PPP3R1: variants seen among roughly 807,000 people sequenced by gnomAD.
PPP3R1 encodes the protein calcineurin subunit B type 1.
A neutral mutation model predicts 22.6 loss-of-function variants in PPP3R1; 5 were observed. That is an observed-to-expected ratio of 0.22 (90% CI 0.12 to 0.46). The LOEUF (loss-of-function observed/expected upper bound fraction) is 0.46, where lower values mean the gene tolerates loss of function less well. Among genes scored for constraint, PPP3R1 ranks in the 20% least tolerant of loss-of-function variants. PPP3R1 has a pLI of 0.99. For synonymous variants in PPP3R1, 56 were observed against 65.2 expected (o/e 0.86, Z 0.68); for missense variants, 61 against 203.2 (o/e 0.30, Z 4.25).
At chr2:68,198,274 T>C (rs746866060) in intron 2 of PPP3R1, among the ~76,000 whole-genome samples, 5 of 146,230 alleles carry the variant, frequency 3.4e-5, no homozygotes, top group Non-Finnish European at 6.0e-5. Context: ...TACATATGTG[T>C]ATGCATGTAT....
At chr2:68,243,312 T>C (rs1295625801) in intron 1 of PPP3R1, among the ~76,000 whole-genome samples, 1 of 152,148 alleles carries the variant, frequency 6.6e-6, no homozygotes, top group Non-Finnish European at 1.5e-5. Flanking sequence ...GCCAGACCTA[T>C]AAATTAGTCA....
intron 2 of PPP3R1, among the ~76,000 whole-genome samples, chr2:68,209,358 CAAAAAAAAAAAAAAAAAAAA>C (rs777851469): frequency 9.6e-5 from 4 of 41,680 alleles, no homozygotes; most frequent in Non-Finnish European, 1.7e-4. Flanking sequence ...GACTCTGTCT[CAAAAAAAAAAAAAAAAAAAA>C]AAAAAAAAAA....
intron 2 of PPP3R1, among the ~76,000 whole-genome samples, chr2:68,216,526 C>T (rs1020053976): frequency 1.3e-5 from 2 of 152,042 alleles, no homozygotes; most frequent in Non-Finnish European, 2.9e-5. Flanking sequence ...TCCATCTCTT[C>T]TTCCAGAAAA....
At chr2:68,220,024 TA>T (rs369003819) in intron 1 of PPP3R1, among the ~76,000 whole-genome samples, 2 of 151,940 alleles carry the variant, frequency 1.3e-5, no homozygotes, top group African/African-American at 2.4e-5. Context: ...TGACCAGTGT[TA>T]AAAAAAACTA....
chr2:68,207,102 G>GAA (rs11414849), intron 2 of PPP3R1, among the ~76,000 whole-genome samples: 28 of 128,832 alleles, frequency 2.2e-4, no homozygotes, highest in South Asian at 4.6e-4. Context: ...GAGGTTTTGG[G>GAA]AAAAAAAAAA....
intron 2 of PPP3R1, among the ~76,000 whole-genome samples, chr2:68,204,971 C>T (rs1675082139): frequency 6.6e-6 from 1 of 152,186 alleles, no homozygotes; most frequent in Non-Finnish European, 1.5e-5. Context: ...GTCTGCATGC[C>T]ATTCTGAATT....
intron 2 of PPP3R1, among the ~76,000 whole-genome samples, chr2:68,203,994 C>T (rs558050475): frequency 3.1e-4 from 47 of 152,208 alleles, no homozygotes; most frequent in African/African-American, 1.1e-3. Context: ...TACAAAACAG[C>T]CCTTGTGTTT....
intron 1 of PPP3R1, among the ~76,000 whole-genome samples, chr2:68,230,507 T>C (rs1479688164): frequency 2.0e-5 from 3 of 152,298 alleles, no homozygotes; most frequent in African/African-American, 7.2e-5. Context: ...TACATACCTT[T>C]AGAACCACAT....
intron 1 of PPP3R1, among the ~76,000 whole-genome samples, chr2:68,245,730 C>CT (rs1049939888): frequency 4.6e-5 from 7 of 152,166 alleles, no homozygotes; most frequent in Admixed American, 1.3e-4. Context: ...AGTTTCCACC[C>CT]TTTCCAAGTC....
chr2:68,202,124 T>C (rs1423577048), intron 2 of PPP3R1, among the ~76,000 whole-genome samples: 1 of 152,228 alleles, frequency 6.6e-6, no homozygotes, highest in Non-Finnish European at 1.5e-5. Context: ...GTTCTCCAAA[T>C]CATTCTTTCC....
chr2:68,208,977 C>T (rs1053141585), intron 2 of PPP3R1, among the ~76,000 whole-genome samples: 2 of 149,422 alleles, frequency 1.3e-5, no homozygotes, highest in African/African-American at 2.5e-5. Context: ...TGGGAGGAAA[C>T]AGCAAAATAA....
intron 2 of PPP3R1, among the ~76,000 whole-genome samples, chr2:68,199,558 A>G (rs922230666): frequency 1.3e-5 from 2 of 152,204 alleles, no homozygotes; most frequent in African/African-American, 4.8e-5. Context: ...GAAACGATTC[A>G]GCCTTTCATC....
Position 68,180,547 on chromosome 2 carries a change from GTACTC to G in PPP3R1, c.*411_*415del, listed in dbSNP as rs1196848612. 6.5e-6 allele frequency: 1 copy of G among 152,808 alleles called. No homozygotes were observed. The highest frequency in any genetic ancestry group is 1.5e-5 in the Non-Finnish European group (1 of 68,286). 9.5% of individuals were successfully genotyped at this position (152,808 alleles called of 1,614,324 possible). On this transcript the variant is annotated 3_prime_UTR_variant, in exon 6 of 6. Transcript: ENST00000234310. The stretch of plus-strand genomic sequence containing the variant: ...GTTTTATGTTCTGCTTGGCACTTTT[GTACTC>G]TATTGTTTTGTTTCTGAATCAAGTA...
chr2:68,218,724 G>A (rs1669625976), intron 1 of PPP3R1, among the ~76,000 whole-genome samples: 2 of 64,764 alleles, frequency 3.1e-5, no homozygotes, highest in Non-Finnish European at 5.1e-5. Context: ...CACTGTCACT[G>A]TGAGTTTTTT....
intron 2 of PPP3R1, among the ~76,000 whole-genome samples, chr2:68,202,222 A>C (rs556795597): frequency 1.6e-4 from 25 of 152,302 alleles, no homozygotes; most frequent in South Asian, 2.1e-4. Flanking sequence ...AGATAGCTAG[A>C]CTTTTTCACT....
At position 68,200,963 on chromosome 2, in the gene PPP3R1, T is replaced by C. The variant is rs72894441; in HGVS notation, c.44-12273A>G. Among the ~76,000 whole-genome samples the C allele has an allele frequency of 2.7e-3, 407 of 152,328 alleles. 1 individual carries two copies. The highest frequency in any genetic ancestry group is 9.4e-3 in the African/African-American group (392 of 41,574). On this transcript the variant is annotated intron_variant, in intron 2 of 5. Transcript: ENST00000234310. ...TAATGAAAAGCATGTATTCATAATA[T>C]GATACAAATATACCTTCAAGTATTC...
chr2:68,200,731 G>A (rs751525329), intron 2 of PPP3R1, among the ~76,000 whole-genome samples: 57 of 152,134 alleles, frequency 3.7e-4, no homozygotes, highest in Non-Finnish European at 6.3e-4. Flanking sequence ...CCCCCAACCT[G>A]CATTTCTGGG....
At chr2:68,224,255 T>C (rs1335389771) in intron 1 of PPP3R1, among the ~76,000 whole-genome samples, 2 of 152,176 alleles carry the variant, frequency 1.3e-5, no homozygotes, top group Admixed American at 6.5e-5. Context: ...GAATATTTTA[T>C]AGAAATCAAT....
chr2:68,234,892 T>A (rs1669989688), intron 1 of PPP3R1, among the ~76,000 whole-genome samples: 1 of 152,090 alleles, frequency 6.6e-6, no homozygotes, highest in Non-Finnish European at 1.5e-5. Flanking sequence ...CAGATAATGA[T>A]AAGATACCAT....
Sources: allele counts gnomAD v4.1 joint callset (sites outside exome capture counted in the v4.1 genomes callset), GRCh38; gene constraint gnomAD v4.1.1; transcripts MANE v1.5; gene names NCBI Gene and HGNC (gene_info 2026-07-23, HGNC 2026-07-21).